The following ANXA11 variants were observed in gnomAD, a reference collection of about 807,000 sequenced individuals.
The protein encoded by ANXA11 is annexin A11.
A neutral mutation model predicts 64.7 loss-of-function variants in ANXA11; 57 were observed. That is an observed-to-expected ratio of 0.88 (90% CI 0.71 to 1.10). The LOEUF is 1.10. Among genes scored for constraint, ANXA11 ranks in the 50% least tolerant of loss-of-function variants. The probability of loss-of-function intolerance (pLI) is 0.00; values close to 1 mark genes in which losing one functional copy is unlikely to be tolerated. For synonymous variants in ANXA11, 260 were observed against 265.2 expected (o/e 0.98, Z 0.19); for missense variants, 675 against 670.7 (o/e 1.01, Z -0.07).
At chr10:80,190,481 T>C (rs1325975854) in intron 1 of ANXA11, among the ~76,000 whole-genome samples, 1 of 134,860 alleles carries the variant, frequency 7.4e-6, no homozygotes, top group Admixed American at 7.8e-5. Flanking sequence ...TAATTTACAA[T>C]AAATTTTTTT....
intron 4 of ANXA11, 134 bp downstream of exon 4, chr10:80,170,666 G>T: frequency 1.7e-6 from 1 of 571,764 alleles, no homozygotes; most frequent in Non-Finnish European, 2.7e-6. Context: ...CTGTTCTAAG[G>T]TACAGCTCAA....
Position 80,198,519 on chromosome 10 carries a change from G to A in ANXA11, c.-58+6824C>T, listed in dbSNP as rs147673190. ...ATATGGGAGCCTGTAAGCAATTAACGTGCTCAGGTCCCATCACAGACCTCC... is the reference window on the plus strand; with the variant it reads ...ATATGGGAGCCTGTAAGCAATTAACATGCTCAGGTCCCATCACAGACCTCC... On this transcript the variant is annotated intron_variant, in intron 1 of 15. Coordinates refer to ENST00000422982, the MANE Select transcript of ANXA11 (RefSeq NM_145868.2). Among the ~76,000 whole-genome samples the A allele has an allele frequency of 4.1e-3, 617 of 152,314 alleles. 4 individuals are homozygous for A. The highest frequency in any genetic ancestry group is 0.014 in the African/African-American group (577 of 41,576).
At chr10:80,205,605 C>T (rs1192477346), upstream of ANXA11, 1 of 151,986 alleles carries the variant, frequency 6.6e-6, no homozygotes, top group Non-Finnish European at 1.5e-5. Context: ...GCGGCCCCGC[C>T]CCCAAGATGA....
At chr10:80,194,823 G>A (rs1846918006) in intron 1 of ANXA11, among the ~76,000 whole-genome samples, 1 of 152,182 alleles carries the variant, frequency 6.6e-6, no homozygotes, top group South Asian at 2.1e-4. Context: ...CAGGAGCTCT[G>A]GCAACAAGGG....
chr10:80,200,224 AC>A (rs1840360283), intron 1 of ANXA11, among the ~76,000 whole-genome samples: 1 of 152,182 alleles, frequency 6.6e-6, no homozygotes, highest in African/African-American at 2.4e-5. Context: ...CTGATTACTA[AC>A]CGCTCCATGT....
chr10:80,166,034 A>ATGCGCGCGTGCGCACC, intron 8 of ANXA11, 50 bp downstream of exon 8: 1 of 960,238 alleles, frequency 1.0e-6, no homozygotes, highest in Non-Finnish European at 1.5e-6. Context: ...GCGTGCGCAC[A>ATGCGCGCGTGCGCACC]CACGCGCGCA....
intron 1 of ANXA11, among the ~76,000 whole-genome samples, chr10:80,187,615 G>T (rs1278320891): frequency 1.3e-5 from 2 of 152,156 alleles, no homozygotes; most frequent in Non-Finnish European, 2.9e-5. Context: ...ACAGTGGGTT[G>T]TGTTTATAAG....
rs1845208327 is a variant in ANXA11, at chr10:80,154,184, CT to C, written c.*1668del. The C allele has an allele frequency of 6.6e-6, 1 of 152,008 alleles. No homozygotes were observed. The highest frequency in any genetic ancestry group is 2.4e-5 in the African/African-American group (1 of 41,350). 9.4% of individuals were successfully genotyped at this position (152,008 alleles called of 1,614,324 possible). A position where few individuals can be genotyped will look rare whatever the true frequency, so the allele number is the denominator to read the frequency against. On this transcript the variant is annotated 3_prime_UTR_variant, in exon 16 of 16. Coordinates refer to ENST00000422982, the MANE Select transcript of ANXA11 (RefSeq NM_145868.2). ...TGGTGTGATCTCAGCTCACTACAAC[CT>C]CTGCCTCCTGGGTTCAAGTGATTCT...
intron 1 of ANXA11, among the ~76,000 whole-genome samples, chr10:80,184,140 A>G (rs1252859857): frequency 2.0e-5 from 3 of 151,974 alleles, no homozygotes; most frequent in Admixed American, 2.0e-4. Flanking sequence ...CCCGAACCCC[A>G]CCCACACCCC....
chr10:80,171,216 G>A (rs1199208746), intron 3 of ANXA11: 3 of 1,250,160 alleles, frequency 2.4e-6, no homozygotes, highest in Non-Finnish European at 3.0e-6. Flanking sequence ...GCCCTCCCAA[G>A]TTCACCATCA....
chr10:80,174,755 G>A (rs139401622), intron 2 of ANXA11, among the ~76,000 whole-genome samples: 2,349 of 150,180 alleles, frequency 0.016, 60 homozygotes, highest in African/African-American at 0.054. Context: ...ATGGAGTTTC[G>A]CCATGTTGGC....
chr10:80,161,854 G>A (rs1589417981), intron 12 of ANXA11, 81 bp downstream of exon 12: 1 of 1,250,152 alleles, frequency 8.0e-7, no homozygotes, highest in East Asian at 2.3e-5. Flanking sequence ...GAACGACCAA[G>A]TGTTCCCATA....
chr10:80,173,413 A>G (rs890577589), intron 2 of ANXA11, among the ~76,000 whole-genome samples: 13 of 152,208 alleles, frequency 8.5e-5, no homozygotes, highest in Admixed American at 2.0e-4. Context: ...TAGAAGCAAA[A>G]AGGGCCCTCA....
At chr10:80,161,068 G>A (rs181393160) in intron 12 of ANXA11, among the ~76,000 whole-genome samples, 1 of 152,148 alleles carries the variant, frequency 6.6e-6, no homozygotes, top group South Asian at 2.1e-4. Context: ...CTCCATTCTC[G>A]GCACCACAGC....
intron 1 of ANXA11, among the ~76,000 whole-genome samples, chr10:80,190,765 G>A (rs1363740048): frequency 1.4e-5 from 2 of 146,940 alleles, no homozygotes; most frequent in Non-Finnish European, 3.0e-5. Context: ...GGTTACAGGC[G>A]TGAGCCACCA....
At chr10:80,205,711 A>T (rs1840652868), upstream of ANXA11, 1 of 152,160 alleles carries the variant, frequency 6.6e-6, no homozygotes, top group South Asian at 2.1e-4. Context: ...TGCCGCCCCT[A>T]ACCCCTGCGG....
At chr10:80,202,610 G>A (rs569879367) in intron 1 of ANXA11, among the ~76,000 whole-genome samples, 1 of 152,232 alleles carries the variant, frequency 6.6e-6, no homozygotes, top group Admixed American at 6.5e-5. Flanking sequence ...TGGGATCAGA[G>A]GGTGTTGCAG....
chr10:80,189,320 A>C (rs1454550899), intron 1 of ANXA11, among the ~76,000 whole-genome samples: 1 of 152,222 alleles, frequency 6.6e-6, no homozygotes, highest in African/African-American at 2.4e-5. Context: ...AGGGCAAGGA[A>C]GCATTCACCT....
chr10:80,166,975 T>C lies in ANXA11; in HGVS notation c.659A>G (p.Glu220Gly), dbSNP rs767429947. Reference sequence around the variant, plus strand: ...CCCCAGGCAGTCAATGATGGCCTGCTCATCCGTCCCTGGAGGAAGAGGCAG... The same window carrying C: ...CCCCAGGCAGTCAATGATGGCCTGCCCATCCGTCCCTGGAGGAAGAGGCAG... ...RKAMKGFGTD[E>G]QAIIDCLGSR... Residue 220 changes from glutamate (E) to glycine (G), a missense_variant, in exon 7 of 16, where the codon GAG becomes GGG. Glu to Gly is a moderately conservative substitution (Grantham distance 98, BLOSUM62 -2). Transcript: ENST00000422982. 6.3e-7 allele frequency: 1 copy of C among 1,599,232 alleles called. No individual in the cohort carries two copies. The highest frequency in any genetic ancestry group is 8.5e-7 in the Non-Finnish European group (1 of 1,173,002).
Sources: gnomAD v4.1 joint callset for allele counts (sites outside exome capture counted in the v4.1 genomes callset) on GRCh38, gnomAD v4.1.1 for gene constraint, MANE v1.5 for transcripts, NCBI Gene and HGNC (gene_info 2026-07-23, HGNC 2026-07-21) for gene names.